Variants in ANKS6 observed in about 807,000 individuals in gnomAD.
The protein encoded by ANKS6 is ankyrin repeat and SAM domain-containing protein 6.
Under a neutral mutation model 77.9 loss-of-function variants are expected in ANKS6, and 47 were observed. The ratio of observed to expected loss-of-function variants is 0.60; its 90% CI spans 0.48 to 0.77. ANKS6 has a LOEUF of 0.77. Ranked by LOEUF, ANKS6 falls within the 30% of genes least tolerant of loss-of-function variation. The pLI, the probability that ANKS6 is intolerant of heterozygous loss-of-function variation, is 0.00. For synonymous variants in ANKS6, 488 were observed against 501.7 expected, an observed-to-expected ratio of 0.97 and a Z score of 0.37; for missense variants, 1,150 against 1,159.1, an observed-to-expected ratio of 0.99 and a Z score of 0.11.
chr9:98,771,925 T>C (rs1478800487), intron 9 of ANKS6, among the ~76,000 whole-genome samples: 1 of 152,164 alleles, frequency 6.6e-6, no homozygotes, highest in Non-Finnish European at 1.5e-5. Flanking sequence ...TGCGGTTGCC[T>C]GTGTGTATGA....
intron 11 of ANKS6, among the ~76,000 whole-genome samples, chr9:98,759,708 G>T (rs1832907726): frequency 6.6e-6 from 1 of 152,206 alleles, no homozygotes; most frequent in South Asian, 2.1e-4. Flanking sequence ...GATGGAACTG[G>T]AGGACATTAT....
At chr9:98,739,415 G>C (rs1351806587) in intron 14 of ANKS6, among the ~76,000 whole-genome samples, 6 of 152,150 alleles carry the variant, frequency 3.9e-5, no homozygotes, top group African/African-American at 1.4e-4. Flanking sequence ...ACTCCAGCCT[G>C]GGCAACAGAG....
chr9:98,769,290 G>A (rs948746482), intron 10 of ANKS6, among the ~76,000 whole-genome samples: 2 of 152,038 alleles, frequency 1.3e-5, no homozygotes, highest in East Asian at 3.8e-4. Context: ...CCATTCTGGA[G>A]GGCAAAACAT....
chr9:98,792,668 G>A (rs895470713), intron 1 of ANKS6, among the ~76,000 whole-genome samples: 9 of 152,102 alleles, frequency 5.9e-5, no homozygotes, highest in South Asian at 2.1e-4. Flanking sequence ...TACAAGGTGC[G>A]TCACATTTTT....
intron 14 of ANKS6, among the ~76,000 whole-genome samples, chr9:98,738,940 C>T (rs777899868): frequency 6.6e-6 from 1 of 152,130 alleles, no homozygotes; most frequent in Non-Finnish European, 1.5e-5. Flanking sequence ...TAATGGTATT[C>T]GCAGTGACCT....
intron 14 of ANKS6, among the ~76,000 whole-genome samples, chr9:98,739,900 C>T (rs1030448137): frequency 5.3e-5 from 8 of 151,250 alleles, no homozygotes; most frequent in African/African-American, 1.2e-4. Context: ...GGACTACAGG[C>T]GCCCGCCACC....
At chr9:98,788,942 T>C (rs1019761652) in intron 2 of ANKS6, among the ~76,000 whole-genome samples, 3 of 152,190 alleles carry the variant, frequency 2.0e-5, no homozygotes, top group Non-Finnish European at 4.4e-5. Context: ...TTCCTTTTCA[T>C]TTGAGCATCC....
intron 14 of ANKS6, 25 bp downstream of exon 14, chr9:98,745,533 GA>G: frequency 6.3e-7 from 1 of 1,592,590 alleles, no homozygotes; most frequent in Non-Finnish European, 8.6e-7. Flanking sequence ...CTGAAACACG[GA>G]AATACAAGAA....
Position 98,796,455 on chromosome 9 carries a change from G to A in ANKS6, c.37C>T (p.Leu13=). 1 of 993,758 alleles carries A rather than the reference G, an allele frequency of 1.0e-6. No homozygotes were observed. Among genetic ancestry groups the A allele is most frequent in the Non-Finnish European group, 1.2e-6 (1 of 837,400 alleles). The allele number at this position is 993,758 out of a possible 1,614,324, so 61.6% of individuals were successfully genotyped here. A position where few individuals can be genotyped will look rare whatever the true frequency, so the allele number is the denominator to read the frequency against. The part of the protein sequence containing the change: ...EGGLPPAFQL[L]LRACDQGDTE... ...TCGCCCTGGTCACACGCGCGCAGCA[G>A]CAGCTGGAAGGCCGGGGGCAGCCCG... The change falls in exon 1 of 15, where the codon CTG becomes TTG. Residue 13 remains leucine (L), a synonymous_variant. Transcript: ENST00000353234.
At chr9:98,784,933 G>A in intron 2 of ANKS6, 57 bp from the exon 3 acceptor site, 2 of 1,505,150 alleles carry the variant, frequency 1.3e-6, no homozygotes, top group Non-Finnish European at 1.8e-6. Flanking sequence ...TAACAGAAAA[G>A]TCACAAGGGT....
At chr9:98,759,532 GC>G (rs1336143338) in intron 11 of ANKS6, among the ~76,000 whole-genome samples, 3 of 152,166 alleles carry the variant, frequency 2.0e-5, no homozygotes, top group African/African-American at 7.2e-5. Flanking sequence ...TTTTACCTGT[GC>G]TTTTGACTGG....
chr9:98,766,726 CAA>C (rs1328385551), intron 11 of ANKS6, among the ~76,000 whole-genome samples: 3 of 152,120 alleles, frequency 2.0e-5, no homozygotes, highest in African/African-American at 7.2e-5. Context: ...TCTTGAGTAA[CAA>C]AAAGAGTTGT....
intron 12 of ANKS6, among the ~76,000 whole-genome samples, chr9:98,754,263 G>T (rs1397766629): frequency 1.3e-5 from 2 of 152,176 alleles, no homozygotes. Context: ...CCAGAGAGGA[G>T]GAATGCAGAT....
intron 13 of ANKS6, 52 bp downstream of exon 13, chr9:98,750,977 A>T: frequency 1.3e-6 from 2 of 1,490,822 alleles, no homozygotes; most frequent in Non-Finnish European, 1.8e-6. Flanking sequence ...ATTTAGACAA[A>T]TTTTTCTTTC....
chr9:98,778,253 C>A lies in ANKS6; in HGVS notation c.1540G>T (p.Asp514Tyr), dbSNP rs765243611. Residue 514 changes from aspartate to tyrosine, a missense_variant, in exon 7 of 15, where the codon GAT becomes TAT. Coordinates refer to ENST00000353234, the MANE Select transcript of ANKS6 (RefSeq NM_173551.5). ...QDKTSRSALPDAAPVTKDNGP... is the reference protein window; with the variant it reads ...QDKTSRSALPYAAPVTKDNGP... ...TTGTCTTTGGTCACAGGGGCCGCAT[C>A]AGGGAGTGCAGAGCGGCTTGTCTTG... is the stretch of plus-strand genomic sequence containing the variant. 5 of 1,614,078 alleles carry A rather than the reference C, an allele frequency of 3.1e-6. No individual in the cohort carries two copies. The highest frequency in any genetic ancestry group is 4.2e-6 in the Non-Finnish European group (5 of 1,180,050).
At chr9:98,776,243 G>A (rs891254244) in intron 8 of ANKS6, among the ~76,000 whole-genome samples, 4 of 152,080 alleles carry the variant, frequency 2.6e-5, no homozygotes, top group African/African-American at 7.2e-5. Context: ...AGGGATCCCC[G>A]AAGTCAGAGA....
At chr9:98,777,345 A>T (rs760445763) in intron 8 of ANKS6, 60 bp downstream of exon 8, 23 of 1,552,078 alleles carry the variant, frequency 1.5e-5, no homozygotes, top group Non-Finnish European at 1.6e-5. Context: ...CCTCCTTGTA[A>T]ATCAATCAAC....
intron 1 of ANKS6, among the ~76,000 whole-genome samples, chr9:98,794,319 G>T (rs1011266549): frequency 2.0e-5 from 3 of 152,176 alleles, no homozygotes; most frequent in Admixed American, 6.5e-5. Flanking sequence ...GCTGCCAGGG[G>T]TGTGGTTTTG....
In ANKS6 at chr9:98,778,433, G is replaced by A; in HGVS notation, c.1369-9C>T. 1 of 1,613,362 alleles carries A rather than the reference G, an allele frequency of 6.2e-7. No homozygotes were observed. The highest frequency in any genetic ancestry group is 1.1e-5 in the South Asian group (1 of 90,918). Reference sequence around the variant, plus strand: ...ATTCGGTTCCACCAGGACTGCCAAAGGAACGCAGAGCAGAAGTCATGCTCC... The same window carrying A: ...ATTCGGTTCCACCAGGACTGCCAAAAGAACGCAGAGCAGAAGTCATGCTCC... On this transcript the variant is annotated splice_polypyrimidine_tract_variant and intron_variant, in intron 6 of 14. Transcript: ENST00000353234.
Sources: allele counts gnomAD v4.1 joint callset (sites outside exome capture counted in the v4.1 genomes callset), GRCh38; gene constraint gnomAD v4.1.1; transcripts MANE v1.5; gene names NCBI Gene and HGNC (gene_info 2026-07-23, HGNC 2026-07-21).